Variants in XYLT1 observed in about 807,000 individuals in gnomAD.
The protein encoded by XYLT1 is beta-D-xylosyltransferase 1.
XYLT1 carries 36 observed loss-of-function variants against 91.3 expected under a neutral mutation model. That is an observed-to-expected ratio of 0.39 (90% confidence interval 0.30 to 0.52). XYLT1 has a LOEUF of 0.52. Ranked by LOEUF, XYLT1 falls within the 20% of genes least tolerant of loss-of-function variation. The pLI is 0.68. For synonymous variants in XYLT1, 588 were observed against 532.0 expected (o/e 1.11, Z -1.45); for missense variants, 1,242 against 1,284.5 (o/e 0.97, Z 0.51).
intron 2 of XYLT1, among the ~76,000 whole-genome samples, chr16:17,319,509 C>T (rs1229570048): frequency 1.3e-5 from 2 of 151,518 alleles, no homozygotes; most frequent in African/African-American, 4.9e-5. Flanking sequence ...GTGGCGCAAT[C>T]GTGGCTCACT....
At chr16:17,140,096 T>C (rs942260390) in intron 7 of XYLT1, among the ~76,000 whole-genome samples, 4 of 151,980 alleles carry the variant, frequency 2.6e-5, no homozygotes, top group Admixed American at 2.0e-4. Flanking sequence ...AACCTGGAGG[T>C]CAGGAAGATG....
chr16:17,268,686 T>TTC (rs1567349604), intron 2 of XYLT1, among the ~76,000 whole-genome samples: 2 of 150,746 alleles, frequency 1.3e-5, no homozygotes, highest in Non-Finnish European at 3.0e-5. Flanking sequence ...TTTTTTTTTT[T>TTC]CTGAGACGGA....
chr16:17,178,027 C>T lies in XYLT1; in HGVS notation c.1290-19118G>A, dbSNP rs541754298. 4.9e-4 allele frequency among the ~76,000 whole-genome samples: 74 copies of T among 152,222 alleles called. 1 individual carries two copies. Among genetic ancestry groups the T allele is most frequent in the Non-Finnish European group, 8.1e-4 (55 of 68,018 alleles). On this transcript the variant is annotated intron_variant, in intron 5 of 11. Coordinates refer to ENST00000261381, the MANE Select transcript of XYLT1 (RefSeq NM_022166.4). ...GAGGAAGGTGGTGCAGGGTGAATTA[C>T]GGTGCTAATGAGGACCAGGTATTTA...
intron 3 of XYLT1, among the ~76,000 whole-genome samples, chr16:17,216,643 A>G (rs1381243049): frequency 6.6e-6 from 1 of 152,200 alleles, no homozygotes; most frequent in African/African-American, 2.4e-5. Flanking sequence ...AGCCCTGTAC[A>G]CATATCATCT....
At chr16:17,207,052 C>CTTTTTT (rs1211378641) in intron 3 of XYLT1, among the ~76,000 whole-genome samples, 49 of 121,068 alleles carry the variant, frequency 4.0e-4, no homozygotes, top group African/African-American at 7.5e-4. Flanking sequence ...TCTTTTCTTT[C>CTTTTTT]TTTTTTTTTT....
rs149152245 is a variant in XYLT1 at position 17,308,492 on chromosome 16, G to T, written c.403-48994C>A. Among the ~76,000 whole-genome samples, 169 of 152,330 alleles carry T rather than the reference G, an allele frequency of 1.1e-3. 1 individual carries two copies. The highest frequency in any genetic ancestry group is 4.0e-3 in the African/African-American group (167 of 41,566). ...CTCACCCAGCTCCCTGTAAGGTGAA[G>T]ATACAGCTCTATCTACAAAGAACGG... On this transcript the variant is annotated intron_variant, in intron 2 of 11. Transcript: ENST00000261381.
intron 5 of XYLT1, among the ~76,000 whole-genome samples, chr16:17,191,132 C>T (rs574538230): frequency 6.6e-5 from 10 of 152,280 alleles, no homozygotes; most frequent in African/African-American, 1.7e-4. Flanking sequence ...GAGGAAGGGG[C>T]TTTACTGGCC....
At chr16:17,237,419 G>T (rs2033265993) in intron 3 of XYLT1, among the ~76,000 whole-genome samples, 1 of 152,106 alleles carries the variant, frequency 6.6e-6, no homozygotes, top group African/African-American at 2.4e-5. Flanking sequence ...CCCACACTCA[G>T]CAATGTGTCT....
At chr16:17,454,919 C>T (rs879479125) in intron 1 of XYLT1, among the ~76,000 whole-genome samples, 1,111 of 104,258 alleles carry the variant, frequency 0.011, 262 homozygotes, top group African/African-American at 0.045. Flanking sequence ...CCCCGCCCCC[C>T]CCCGCAACTA....
intron 6 of XYLT1, among the ~76,000 whole-genome samples, chr16:17,148,293 A>G (rs1397162082): frequency 6.6e-6 from 1 of 152,158 alleles, no homozygotes. Flanking sequence ...TCCCTCCCCC[A>G]TGCCTGGCAT....
rs150799763 is a variant in XYLT1 at position 17,184,938 on chromosome 16, A to T, written c.1289+13274T>A. Among the ~76,000 whole-genome samples, 939 of 152,356 alleles carry T rather than the reference A, an allele frequency of 6.2e-3. 2 individuals are homozygous for T. Among genetic ancestry groups the T allele is most frequent in the Non-Finnish European group, 9.4e-3 (641 of 68,030 alleles). ...TACAACTAAAAGTTATTTAAGCCAG[A>T]TGATGGCATCCCTTGGGTGAAGCAG... On this transcript the variant is annotated intron_variant, in intron 5 of 11. Coordinates refer to ENST00000261381, the MANE Select transcript of XYLT1 (RefSeq NM_022166.4).
chr16:17,411,255 G>A (rs1596531847), intron 1 of XYLT1, among the ~76,000 whole-genome samples: 2 of 152,178 alleles, frequency 1.3e-5, no homozygotes, highest in East Asian at 3.9e-4. Context: ...AGTATCAGTT[G>A]CTATTGTTGA....
intron 2 of XYLT1, among the ~76,000 whole-genome samples, 197 bp downstream of exon 2, chr16:17,357,815 C>T (rs2035322529): frequency 6.6e-6 from 1 of 152,246 alleles, no homozygotes; most frequent in Non-Finnish European, 1.5e-5. Context: ...AATGTGCACC[C>T]ATGCACACCC....
chr16:17,342,329 G>A (rs2035073329), intron 2 of XYLT1, among the ~76,000 whole-genome samples: 1 of 152,158 alleles, frequency 6.6e-6, no homozygotes. Flanking sequence ...CTCCACCAAA[G>A]GAAAAGGGCA....
At chr16:17,387,001 C>G (rs1251538878) in intron 1 of XYLT1, among the ~76,000 whole-genome samples, 1 of 152,128 alleles carries the variant, frequency 6.6e-6, no homozygotes, top group African/African-American at 2.4e-5. Context: ...CACAGAACAG[C>G]CACGGAGGTC....
intron 5 of XYLT1, among the ~76,000 whole-genome samples, chr16:17,159,843 C>A (rs1021617992): frequency 6.6e-6 from 1 of 152,320 alleles, no homozygotes; most frequent in Non-Finnish European, 1.5e-5. Flanking sequence ...GGCAGTCACA[C>A]GGGTCTCCAT....
At chr16:17,434,136 C>T (rs186166958) in intron 1 of XYLT1, among the ~76,000 whole-genome samples, 48 of 152,336 alleles carry the variant, frequency 3.2e-4, no homozygotes, top group African/African-American at 1.1e-3. Flanking sequence ...AAGTGGACAG[C>T]ATGGGAATGA....
intron 2 of XYLT1, among the ~76,000 whole-genome samples, chr16:17,317,127 G>A (rs1424221929): frequency 1.3e-5 from 2 of 151,762 alleles, no homozygotes; most frequent in Non-Finnish European, 2.9e-5. Flanking sequence ...CGGCCCCCAG[G>A]CAGATTTTAT....
At position 17,102,406 on chromosome 16, in the gene XYLT1, A is replaced by G. The variant is rs1966716046; in HGVS notation, c.*6289T>C. The G allele has an allele frequency of 6.5e-6, 1 of 152,676 alleles. No individual in the cohort carries two copies. The highest frequency in any genetic ancestry group is 2.1e-4 in the South Asian group (1 of 4,838). 9.5% of individuals were successfully genotyped at this position (152,676 alleles called of 1,614,324 possible). A position where few individuals can be genotyped will look rare whatever the true frequency, so the allele number is the denominator to read the frequency against. ...ACAGAAAGCATCTATATACACCTGC[A>G]GTGTTTTTGGTATGATACAGTATTT... On this transcript the variant is annotated 3_prime_UTR_variant, in exon 12 of 12. Coordinates refer to ENST00000261381, the MANE Select transcript of XYLT1 (RefSeq NM_022166.4).
Sources: allele counts gnomAD v4.1 joint callset (sites outside exome capture counted in the v4.1 genomes callset), GRCh38; gene constraint gnomAD v4.1.1; transcripts MANE v1.5; gene names NCBI Gene and HGNC (gene_info 2026-07-23, HGNC 2026-07-21).